The following SOX5 variants were observed in gnomAD, a reference collection of about 807,000 sequenced individuals.
The protein encoded by SOX5 is transcription factor SOX-5.
Under a neutral mutation model 92.0 loss-of-function variants are expected in SOX5, and 9 were observed. That is an observed-to-expected ratio of 0.10 (90% CI 0.06 to 0.17). SOX5 has a LOEUF of 0.17. SOX5 is among the 10% of genes least tolerant of loss of function. The probability of loss-of-function intolerance (pLI) is 1.00; values close to 1 mark genes in which losing one functional copy is unlikely to be tolerated. For synonymous variants in SOX5, 344 were observed against 336.3 expected (o/e 1.02, Z -0.25); for missense variants, 642 against 944.5 (o/e 0.68, Z 4.20).
chr12:23,581,976 CATAA>C (rs1217165471), intron 9 of SOX5, among the ~76,000 whole-genome samples: 1 of 151,940 alleles, frequency 6.6e-6, no homozygotes, highest in Non-Finnish European at 1.5e-5. Context: ...CCATGTTTAT[CATAA>C]ATACTCATGT....
At chr12:23,712,914 A>G (rs1037498232) in intron 6 of SOX5, among the ~76,000 whole-genome samples, 2 of 152,210 alleles carry the variant, frequency 1.3e-5, no homozygotes, top group African/African-American at 4.8e-5. Context: ...TAATTGCCAT[A>G]TAAGGTATAA....
intron 6 of SOX5, among the ~76,000 whole-genome samples, chr12:23,667,031 G>C (rs1440880846): frequency 4.6e-5 from 7 of 152,002 alleles, no homozygotes; most frequent in Non-Finnish European, 1.0e-4. Context: ...CTGTTTCTGA[G>C]ATTTTGGTTG....
Position 24,143,791 on chromosome 12 carries a change from A to G in SOX5, c.-2+69552T>C, listed in dbSNP as rs182720533. On this transcript the variant is annotated intron_variant, in intron 4 of 4. Transcript: ENST00000446891. The stretch of plus-strand genomic sequence containing the variant: ...ATGTGTGCAGACAGAACGACAGGTA[A>G]TAAGAGAATGGATGGAGAAGAAAAG... 4.5e-3 allele frequency among the ~76,000 whole-genome samples: 681 copies of G among 151,812 alleles called. 3 individuals are homozygous for G. Among genetic ancestry groups the G allele is most frequent in the Non-Finnish European group, 7.6e-3 (513 of 67,870 alleles).
At chr12:24,071,243 G>A in intron 4 of SOX5, among the ~76,000 whole-genome samples, 1 of 152,074 alleles carries the variant, frequency 6.6e-6, no homozygotes, top group Non-Finnish European at 1.5e-5. Flanking sequence ...AAATAACAGT[G>A]TTAATAACAA....
chr12:24,524,758 C>A (rs1181558859), intron 1 of SOX5, among the ~76,000 whole-genome samples: 1 of 152,176 alleles, frequency 6.6e-6, no homozygotes, highest in African/African-American at 2.4e-5. Flanking sequence ...AATAGTACAT[C>A]ATGCCTGTAA....
At chr12:24,181,036 G>T (rs750164325) in intron 4 of SOX5, among the ~76,000 whole-genome samples, 1 of 152,090 alleles carries the variant, frequency 6.6e-6, no homozygotes, top group Admixed American at 6.6e-5. Context: ...TTATTGCATG[G>T]TTCTCAACAC....
At chr12:24,161,688 T>A (rs1252395735) in intron 4 of SOX5, among the ~76,000 whole-genome samples, 1 of 152,048 alleles carries the variant, frequency 6.6e-6, no homozygotes, top group East Asian at 1.9e-4. Context: ...AGTAGACAAT[T>A]TAAAAGTCAT....
chr12:24,095,120 CACACACACAGAGAGAGAGAGAG>C (rs1945183544), intron 4 of SOX5, among the ~76,000 whole-genome samples: 1 of 102,076 alleles, frequency 9.8e-6, no homozygotes, highest in Non-Finnish European at 2.1e-5. Context: ...CACACACACA[CACACACACAGAGAGAGAGAGAG>C]AGAGAGAGAG....
At chr12:23,618,396 C>T (rs189394601) in intron 8 of SOX5, among the ~76,000 whole-genome samples, 69 of 152,144 alleles carry the variant, frequency 4.5e-4, no homozygotes, top group African/African-American at 1.4e-3. Context: ...CAGTGTATCC[C>T]AACAGATTGG....
At chr12:23,691,185 A>G (rs2088721118) in intron 6 of SOX5, among the ~76,000 whole-genome samples, 2 of 152,200 alleles carry the variant, frequency 1.3e-5, no homozygotes, top group Admixed American at 6.5e-5. Flanking sequence ...AAGGGTACTG[A>G]AATGACTATG....
At chr12:24,473,216 G>A (rs542503151) in intron 1 of SOX5, among the ~76,000 whole-genome samples, 7 of 152,020 alleles carry the variant, frequency 4.6e-5, no homozygotes, top group Non-Finnish European at 8.8e-5. Context: ...TGAAACCAAC[G>A]CTGTACTGGT....
rs1008026630 is a variant in SOX5, at chr12:24,138,736, G to A, written c.-2+74607C>T. Among the ~76,000 whole-genome samples the A allele has an allele frequency of 3.9e-5, 6 of 152,248 alleles. No individual in the cohort carries two copies. The South Asian group carries it at 6.2e-4, about 16-fold the overall frequency. ...CCTTCAGTTCTGAGTGTACCCAGGC[G>A]AAAGAGCAGATAATAATAGGTACAC... On this transcript the variant is annotated intron_variant, in intron 4 of 4. Transcript: ENST00000446891.
At position 23,571,389 on chromosome 12, in the gene SOX5, G is replaced by T. The variant is rs1948355558; in HGVS notation, c.1342+4272C>A. On this transcript the variant is annotated intron_variant, in intron 10 of 14. Coordinates refer to ENST00000451604, the MANE Select transcript of SOX5 (RefSeq NM_006940.6). ...AATGCCTCTGAGGAATGAAGGCTAAGAACAGTACATTCCAATATGTCCCAA... is the reference window on the plus strand; with the variant it reads ...AATGCCTCTGAGGAATGAAGGCTAATAACAGTACATTCCAATATGTCCCAA... Among the ~76,000 whole-genome samples the T allele has an allele frequency of 1.3e-5, 2 of 151,998 alleles. 1 individual carries two copies. The highest frequency in any genetic ancestry group is 4.1e-4 in the South Asian group (2 of 4,824).
At chr12:23,981,243 T>A (rs1406309973) in intron 4 of SOX5, among the ~76,000 whole-genome samples, 3 of 152,134 alleles carry the variant, frequency 2.0e-5, no homozygotes, top group African/African-American at 7.2e-5. Flanking sequence ...GTAGCCTTCA[T>A]TTAGGGATTT....
At chr12:24,377,496 C>T (rs1003984243) in intron 1 of SOX5, among the ~76,000 whole-genome samples, 7 of 152,156 alleles carry the variant, frequency 4.6e-5, no homozygotes, top group Non-Finnish European at 8.8e-5. Context: ...TGAAAATTTA[C>T]TTTCATGAGG....
intron 2 of SOX5, among the ~76,000 whole-genome samples, chr12:24,359,706 A>G (rs1040393119): frequency 3.9e-5 from 6 of 152,142 alleles, no homozygotes; most frequent in Non-Finnish European, 7.4e-5. Flanking sequence ...TTTAATTAAT[A>G]CATATTTTAT....
intron 6 of SOX5, among the ~76,000 whole-genome samples, chr12:23,725,958 T>C (rs2140702025): frequency 6.6e-6 from 1 of 152,318 alleles, no homozygotes; most frequent in South Asian, 2.1e-4. Context: ...TAGAAGAAGC[T>C]ATCCCAGTTT....
At chr12:24,327,862 A>ATT (rs143088874) in intron 2 of SOX5, among the ~76,000 whole-genome samples, 21 of 147,006 alleles carry the variant, frequency 1.4e-4, no homozygotes, top group African/African-American at 4.7e-4. Context: ...ATAATTTCGT[A>ATT]TTTTTTTTTT....
rs60085412 is a variant in SOX5 at position 24,056,974 on chromosome 12, C to CAAA, written c.-2+156366_-2+156368dup. Reference sequence around the variant, plus strand: ...TGGGCGACAGAGCGAGACTCCGTCTCAAAAAAAAAAAAAAAAAAATTCAAC... The same window carrying CAAA: ...TGGGCGACAGAGCGAGACTCCGTCTCAAAAAAAAAAAAAAAAAAAAAATTCAAC... On this transcript the variant is annotated intron_variant, in intron 4 of 4. Coordinates refer to the SOX5 transcript ENST00000446891. Among the ~76,000 whole-genome samples the CAAA allele has an allele frequency of 3.0e-4, 11 of 36,910 alleles. 1 individual carries two copies. In the South Asian group the frequency reaches 3.2e-3, roughly 11 times the overall value. 24.2% of individuals were successfully genotyped at this position (36,910 alleles called of 152,430 possible).
Sources: gnomAD v4.1 joint callset for allele counts (sites outside exome capture counted in the v4.1 genomes callset) on GRCh38, gnomAD v4.1.1 for gene constraint, MANE v1.5 for transcripts, NCBI Gene and HGNC (gene_info 2026-07-23, HGNC 2026-07-21) for gene names.